ABI1: variants seen among roughly 807,000 people sequenced by gnomAD.
ABI1 encodes Abelson interactor 1.
In ABI1, 14 loss-of-function variants were observed where a neutral mutation model predicts 54.6. The ratio of observed to expected loss-of-function variants is 0.26; its 90% CI spans 0.17 to 0.40. The LOEUF (loss-of-function observed/expected upper bound fraction) is 0.40. Among genes scored for constraint, ABI1 ranks in the 10% least tolerant of loss-of-function variants. The probability of loss-of-function intolerance (pLI) is 1.00; values close to 1 mark genes in which losing one functional copy is unlikely to be tolerated. For synonymous variants in ABI1, 194 were observed against 209.3 expected, an observed-to-expected ratio of 0.93 and a Z score of 0.63; for missense variants, 443 against 598.3, an observed-to-expected ratio of 0.74 and a Z score of 2.71.
At chr10:26,847,346 G>T (rs1264252432) in intron 1 of ABI1, among the ~76,000 whole-genome samples, 1 of 152,180 alleles carries the variant, frequency 6.6e-6, no homozygotes, top group Non-Finnish European at 1.5e-5. Context: ...TGAGGACCAG[G>T]CATGGTGGCT....
At chr10:26,753,392 G>A (rs1183594156) in intron 9 of ABI1, among the ~76,000 whole-genome samples, 2 of 152,150 alleles carry the variant, frequency 1.3e-5, no homozygotes, top group African/African-American at 4.8e-5. Flanking sequence ...TTGGCTTAAT[G>A]TGTAAATTAT....
intron 3 of ABI1, among the ~76,000 whole-genome samples, chr10:26,775,665 G>A (rs1841308587): frequency 1.3e-5 from 2 of 152,138 alleles, no homozygotes; most frequent in South Asian, 4.1e-4. Flanking sequence ...GTAAAATTTG[G>A]ATTCATCTTA....
chr10:26,794,129 G>A (rs1352628929), intron 2 of ABI1, among the ~76,000 whole-genome samples: 1 of 152,098 alleles, frequency 6.6e-6, no homozygotes, highest in Non-Finnish European at 1.5e-5. Flanking sequence ...TGTAGTCCCA[G>A]CTACTCGAGA....
chr10:26,800,505 C>T (rs967898734), intron 2 of ABI1, among the ~76,000 whole-genome samples: 3 of 152,132 alleles, frequency 2.0e-5, no homozygotes, highest in Non-Finnish European at 4.4e-5. Context: ...CAGCCGCGCA[C>T]GGTGGCTCAC....
intron 6 of ABI1, among the ~76,000 whole-genome samples, chr10:26,766,860 T>C (rs2132674285): frequency 1.3e-5 from 2 of 152,364 alleles, no homozygotes; most frequent in South Asian, 4.1e-4. Context: ...TAAAATTATA[T>C]GAAATTAGAA....
chr10:26,837,897 G>A (rs1278929539), intron 1 of ABI1, among the ~76,000 whole-genome samples: 3 of 151,864 alleles, frequency 2.0e-5, no homozygotes, highest in Non-Finnish European at 4.4e-5. Context: ...TTAGAGGCAT[G>A]AGCCACCACA....
chr10:26,827,570 A>G (rs1489940639), intron 1 of ABI1, among the ~76,000 whole-genome samples: 1 of 148,916 alleles, frequency 6.7e-6, no homozygotes, highest in East Asian at 2.0e-4. Context: ...CCTATCAGCA[A>G]TAAGGCTTTT....
intron 3 of ABI1, among the ~76,000 whole-genome samples, chr10:26,772,771 T>A (rs1347040246): frequency 1.3e-5 from 2 of 152,076 alleles, no homozygotes; most frequent in Non-Finnish European, 2.9e-5. Flanking sequence ...CTTTTTTATT[T>A]CCTTAAGATC....
chr10:26,856,462 A>C (rs1369948135), intron 1 of ABI1, among the ~76,000 whole-genome samples: 3 of 144,848 alleles, frequency 2.1e-5, no homozygotes, highest in Admixed American at 6.9e-5. Flanking sequence ...AAAAAAAAAA[A>C]CTGACACAGT....
At chr10:26,761,607 T>C (rs1554806596) in intron 7 of ABI1, among the ~76,000 whole-genome samples, 1 of 130,566 alleles carries the variant, frequency 7.7e-6, no homozygotes, top group Non-Finnish European at 1.6e-5. Context: ...CTTCTGTAAA[T>C]AGTTTTTGTC....
intron 2 of ABI1, among the ~76,000 whole-genome samples, chr10:26,806,448 A>G (rs1347782035): frequency 6.6e-6 from 1 of 152,184 alleles, no homozygotes; most frequent in Non-Finnish European, 1.5e-5. Flanking sequence ...ACCGCACTGG[A>G]AACAACAGCT....
At chr10:26,791,091 A>C (rs955444547) in intron 2 of ABI1, among the ~76,000 whole-genome samples, 4 of 147,462 alleles carry the variant, frequency 2.7e-5, no homozygotes, top group Admixed American at 2.7e-4. Flanking sequence ...AAAAAAAAAA[A>C]CAGAGCGAAT....
At chr10:26,857,497 G>A (rs1037835207) in intron 1 of ABI1, among the ~76,000 whole-genome samples, 1 of 151,670 alleles carries the variant, frequency 6.6e-6, no homozygotes, top group Non-Finnish European at 1.5e-5. Flanking sequence ...ACAGAAATTA[G>A]CTGGGAGTGG....
intron 1 of ABI1, among the ~76,000 whole-genome samples, chr10:26,848,220 A>G (rs12241222): frequency 0.045 from 6,225 of 137,974 alleles, 122 homozygotes; most frequent in East Asian, 0.1. Flanking sequence ...AAAAAAAAAA[A>G]AAGAAGAAGA....
intron 1 of ABI1, among the ~76,000 whole-genome samples, chr10:26,829,717 G>C (rs912722582): frequency 6.6e-6 from 1 of 152,050 alleles, no homozygotes; most frequent in African/African-American, 2.4e-5. Context: ...CACACAAAAT[G>C]TTTACATTTA....
chr10:26,797,304 T>A (rs763534131), intron 2 of ABI1, among the ~76,000 whole-genome samples: 1 of 152,172 alleles, frequency 6.6e-6, no homozygotes, highest in Non-Finnish European at 1.5e-5. Context: ...TAAAATGAGG[T>A]TGTTATAAGA....
At chr10:26,823,967 G>GAAA (rs56186771) in intron 1 of ABI1, among the ~76,000 whole-genome samples, 1 of 137,914 alleles carries the variant, frequency 7.3e-6, no homozygotes, top group Admixed American at 7.3e-5. Flanking sequence ...ATCTAAAAAT[G>GAAA]AAAAAAAAAA....
At chr10:26,781,337 G>A (rs1375538654) in intron 2 of ABI1, among the ~76,000 whole-genome samples, 1 of 152,242 alleles carries the variant, frequency 6.6e-6, no homozygotes, top group Non-Finnish European at 1.5e-5. Flanking sequence ...GGCCCCTAGG[G>A]CATCTCAGCT....
intron 2 of ABI1, among the ~76,000 whole-genome samples, chr10:26,822,236 C>T (rs1304455012): frequency 1.3e-5 from 2 of 152,030 alleles, no homozygotes; most frequent in Admixed American, 6.5e-5. Flanking sequence ...TAAAATTCAC[C>T]ACCCATTCCT....
Sources: gnomAD v4.1 joint callset for allele counts (sites outside exome capture counted in the v4.1 genomes callset) on GRCh38, gnomAD v4.1.1 for gene constraint, MANE v1.5 for transcripts, NCBI Gene and HGNC (gene_info 2026-07-23, HGNC 2026-07-21) for gene names.